MZT1: variants seen among roughly 807,000 people sequenced by gnomAD.
MZT1 encodes mitotic-spindle organizing protein 1.
Under a neutral mutation model 8.5 loss-of-function variants are expected in MZT1, and 8 were observed. That is an observed-to-expected ratio of 0.94 (90% CI 0.55 to 1.70). The LOEUF is 1.70. MZT1 is among the 40% of genes most tolerant of loss of function. The pLI is 0.00. For missense variants in MZT1, 93 were observed against 108.6 expected (o/e 0.86, Z 0.64); for synonymous variants, 38 against 42.0 (o/e 0.90, Z 0.37).
chr13:72,715,925 G>GT (rs1212582410), intron 2 of MZT1, among the ~76,000 whole-genome samples: 3 of 150,070 alleles, frequency 2.0e-5, no homozygotes, highest in Non-Finnish European at 4.5e-5. Flanking sequence ...TTTTGTTTTT[G>GT]TTTTTTTTTA....
chr13:72,727,552 A>T lies in MZT1; in HGVS notation c.51T>A (p.Asn17Lys). The T allele has an allele frequency of 3.1e-6, 5 of 1,610,780 alleles. No homozygotes were observed. The highest frequency in any genetic ancestry group is 4.2e-6 in the Non-Finnish European group (5 of 1,178,722). ...CCATGGTCTCCCGCACCGCATTCAG[A>T]TTCGCCGCCGCGGCCGCCGCCGCCG... ...AGAAAAAAAANLNAVRETMDV... is the reference protein window; with the variant it reads ...AGAAAAAAAAKLNAVRETMDV... Residue 17 changes from asparagine to lysine, a missense_variant, in exon 1 of 3, where the codon AAT (asparagine) becomes AAA (lysine). Physicochemically the swap from Asn to Lys is moderately conservative, Grantham distance 94. Coordinates refer to ENST00000377818, the MANE Select transcript of MZT1 (RefSeq NM_001071775.3).
intron 2 of MZT1, among the ~76,000 whole-genome samples, chr13:72,714,145 T>C (rs988347468): frequency 6.6e-6 from 1 of 152,114 alleles, no homozygotes; most frequent in Non-Finnish European, 1.5e-5. Flanking sequence ...GCAAAGGTCA[T>C]GCATGTTATG....
At chr13:72,723,127 AC>A (rs35607399) in intron 1 of MZT1, among the ~76,000 whole-genome samples, 1 of 150,988 alleles carries the variant, frequency 6.6e-6, no homozygotes. Context: ...TTCATGGTAG[AC>A]CCCCCCACGT....
intron 1 of MZT1, among the ~76,000 whole-genome samples, chr13:72,723,186 C>A (rs1322725241): frequency 2.0e-5 from 3 of 152,158 alleles, no homozygotes; most frequent in Non-Finnish European, 2.9e-5. Context: ...TCTTGCTTTT[C>A]TCCTCTGCCT....
At position 72,708,966 on chromosome 13, in the gene MZT1, T is replaced by G. The variant is rs1017539676; in HGVS notation, c.*1356A>C. The G allele has an allele frequency of 6.6e-6, 1 of 151,982 alleles. No individual in the cohort carries two copies. Among genetic ancestry groups the G allele is most frequent in the African/African-American group, 2.4e-5 (1 of 41,408 alleles). 9.4% of individuals were successfully genotyped at this position (151,982 alleles called of 1,614,324 possible). Reference sequence around the variant, plus strand: ...ATCATATAAATGGTACTCAATAAAATCTAAAATTTAAGAAATAATAAAATC... The same window carrying G: ...ATCATATAAATGGTACTCAATAAAAGCTAAAATTTAAGAAATAATAAAATC... On this transcript the variant is annotated 3_prime_UTR_variant, in exon 3 of 3. Transcript: ENST00000377818.
chr13:72,711,042 C>T (rs181023219), intron 2 of MZT1, among the ~76,000 whole-genome samples: 1 of 152,106 alleles, frequency 6.6e-6, no homozygotes, highest in African/African-American at 2.4e-5. Context: ...AGGGACACAT[C>T]GCAGATTTAC....
chr13:72,719,040 A>G lies in MZT1; in HGVS notation c.137T>C (p.Ile46Thr), dbSNP rs1372268733. The G allele has an allele frequency of 6.3e-7, 1 of 1,590,844 alleles. No homozygotes were observed. The highest frequency in any genetic ancestry group is 8.5e-7 in the Non-Finnish European group (1 of 1,171,956). ...NTGLDMETLSICVRLCEQGIN... is the reference protein window; with the variant it reads ...NTGLDMETLSTCVRLCEQGIN... The stretch of plus-strand genomic sequence containing the variant: ...TCCTTGTTCACAAAGCCGTACACAA[A>G]TAGACAGAGTTTCCATATCTAAGCC... The change falls in exon 2 of 3, where the codon ATT becomes ACT. Residue 46 changes from isoleucine (I) to threonine (T), a missense_variant. By Grantham distance (89) the Ile-to-Thr change is moderately conservative. Coordinates refer to ENST00000377818, the MANE Select transcript of MZT1 (RefSeq NM_001071775.3).
intron 2 of MZT1, 142 bp from the exon 3 acceptor site, chr13:72,710,487 C>T: frequency 1.4e-6 from 1 of 733,854 alleles, no homozygotes; most frequent in Non-Finnish European, 2.4e-6. Context: ...TAATGCAGTG[C>T]TTTTCATGTT....
chr13:72,717,529 G>C (rs1834330817), intron 2 of MZT1, among the ~76,000 whole-genome samples: 1 of 151,896 alleles, frequency 6.6e-6, no homozygotes, highest in Non-Finnish European at 1.5e-5. Context: ...AGTAGAGATG[G>C]AGTTTCATTA....
At chr13:72,714,931 C>T (rs1187615140) in intron 2 of MZT1, among the ~76,000 whole-genome samples, 1 of 152,152 alleles carries the variant, frequency 6.6e-6, no homozygotes, top group Non-Finnish European at 1.5e-5. Flanking sequence ...GGTTGGAGCC[C>T]CTACACAATG....
chr13:72,714,660 C>A (rs1273315768), intron 2 of MZT1, among the ~76,000 whole-genome samples: 9 of 152,346 alleles, frequency 5.9e-5, no homozygotes, highest in Admixed American at 5.2e-4. Context: ...TGCATCCCAG[C>A]CACTCTGGCT....
At chr13:72,726,918 G>A (rs1279719387) in intron 1 of MZT1, among the ~76,000 whole-genome samples, 3 of 152,124 alleles carry the variant, frequency 2.0e-5, no homozygotes, top group African/African-American at 7.2e-5. Context: ...ACGTGCCTCC[G>A]GGGCCGAAAA....
chr13:72,726,730 G>A (rs1288357959), intron 1 of MZT1, among the ~76,000 whole-genome samples: 1 of 131,488 alleles, frequency 7.6e-6, no homozygotes, highest in Non-Finnish European at 1.6e-5. Flanking sequence ...CTGGAGGTAG[G>A]GTTTTATTTT....
intron 2 of MZT1, among the ~76,000 whole-genome samples, chr13:72,713,510 T>C (rs182283795): frequency 8.5e-5 from 13 of 152,362 alleles, no homozygotes; most frequent in Admixed American, 5.9e-4. Flanking sequence ...TCTGGATTCG[T>C]TGTGATACCT....
intron 1 of MZT1, among the ~76,000 whole-genome samples, chr13:72,720,277 G>C (rs915206802): frequency 6.6e-6 from 1 of 152,068 alleles, no homozygotes; most frequent in Non-Finnish European, 1.5e-5. Flanking sequence ...TCTTTTGTAA[G>C]GGCAACCATT....
chr13:72,726,847 CAG>C (rs576496066), intron 1 of MZT1, among the ~76,000 whole-genome samples: 1 of 151,490 alleles, frequency 6.6e-6, no homozygotes, highest in South Asian at 2.1e-4. Context: ...AGAGGGTAGA[CAG>C]AGGGTAACCG....
intron 1 of MZT1, among the ~76,000 whole-genome samples, chr13:72,722,339 C>A (rs2032599900): frequency 6.6e-6 from 1 of 152,188 alleles, no homozygotes. Context: ...AGAATGGTAT[C>A]CATTTGTTTT....
chr13:72,716,832 C>T lies in MZT1; in HGVS notation c.225+2120G>A, dbSNP rs372315254. On this transcript the variant is annotated intron_variant, in intron 2 of 2. Coordinates refer to ENST00000377818, the MANE Select transcript of MZT1 (RefSeq NM_001071775.3). ...TTTGAATTGGAAAAAAGGTGGCCCT[C>T]TGGGAACCTGGTGGCAGCAGCAGTC... Among the ~76,000 whole-genome samples the T allele has an allele frequency of 2.6e-4, 39 of 152,318 alleles. 1 individual carries two copies. Among genetic ancestry groups the T allele is most frequent in the African/African-American group, 8.7e-4 (36 of 41,574 alleles).
At chr13:72,712,929 T>A (rs2032502013) in intron 2 of MZT1, among the ~76,000 whole-genome samples, 1 of 152,212 alleles carries the variant, frequency 6.6e-6, no homozygotes, top group African/African-American at 2.4e-5. Flanking sequence ...CCCTCAAAAA[T>A]TTCAGAAATA....
Sources: allele counts gnomAD v4.1 joint callset (sites outside exome capture counted in the v4.1 genomes callset), GRCh38; gene constraint gnomAD v4.1.1; transcripts MANE v1.5; gene names NCBI Gene and HGNC (gene_info 2026-07-23, HGNC 2026-07-21).